The following MORN1 variants were observed in gnomAD, a reference collection of about 807,000 sequenced individuals.
MORN1 encodes MORN repeat containing 1, also known as MORN repeat-containing protein 1.
MORN1 carries 67 observed loss-of-function variants against 61.9 expected under a neutral mutation model. The observed-to-expected ratio is 1.08, with a 90% CI of 0.89 to 1.33. The LOEUF (loss-of-function observed/expected upper bound fraction) is 1.33. MORN1 is among the 40% of genes most tolerant of loss of function. The pLI is 0.00. For missense variants in MORN1, 752 were observed against 691.2 expected (o/e 1.09, Z -0.99); for synonymous variants, 301 against 292.0 (o/e 1.03, Z -0.31).
At chr1:2,379,327 A>G in intron 6 of MORN1, 1 of 369,016 alleles carries the variant, frequency 2.7e-6, no homozygotes, top group Non-Finnish European at 5.5e-6. Flanking sequence ...TTTTCAGAAC[A>G]TAAAATGATC....
chr1:2,333,438 G>C (rs531140052), intron 12 of MORN1, among the ~76,000 whole-genome samples: 1 of 152,232 alleles, frequency 6.6e-6, no homozygotes, highest in South Asian at 2.1e-4. Flanking sequence ...GAGTGGCCTC[G>C]GGCCTGGAGA....
chr1:2,337,141 G>A lies in MORN1; in HGVS notation c.1037-291C>T, dbSNP rs12085675. On this transcript the variant is annotated intron_variant, in intron 10 of 13. Coordinates refer to ENST00000378531, the MANE Select transcript of MORN1 (RefSeq NM_024848.3). This position sits in a 1 kb window ranked among gnomAD's most constrained non-coding sequence, Gnocchi z 5.7. ...AGCCCAGCGCTTTGCAGTGGGAAGG[G>A]TCTCCCATCAGCAGCCCCCGTCAGC... 0.37 allele frequency among the ~76,000 whole-genome samples: 55,815 copies of A among 151,992 alleles called. 11,252 individuals carry two copies. The highest frequency in any genetic ancestry group is 0.52 in the South Asian group (2,507 of 4,818).
chr1:2,368,025 AAG>A (rs1642033904), intron 8 of MORN1, among the ~76,000 whole-genome samples: 1 of 152,246 alleles, frequency 6.6e-6, no homozygotes, highest in South Asian at 2.1e-4. Flanking sequence ...AAGCAACAAA[AAG>A]AAAAAGAGAG....
At chr1:2,335,713 G>A (rs1641250571) in intron 12 of MORN1, among the ~76,000 whole-genome samples, 1 of 152,302 alleles carries the variant, frequency 6.6e-6, no homozygotes, top group South Asian at 2.1e-4. Context: ...TGGGAGCGGG[G>A]CGGGTGCTGG....
intron 8 of MORN1, among the ~76,000 whole-genome samples, 174 bp from the exon 9 acceptor site, chr1:2,358,889 T>A (rs576185743): frequency 6.6e-6 from 1 of 152,180 alleles, no homozygotes; most frequent in Admixed American, 6.5e-5. Context: ...GGCTCTCTGC[T>A]CCTCTCCCAT....
chr1:2,360,241 T>C (rs2840542), intron 8 of MORN1, among the ~76,000 whole-genome samples: 126,696 of 152,266 alleles, frequency 0.83, 53,065 homozygotes, highest in African/African-American at 0.92. Context: ...GGAGACACGA[T>C]TGGGAAAGCA....
Position 2,355,813 on chromosome 1 carries a change from G to T in MORN1, c.1036+1619C>A, listed in dbSNP as rs2100300625. Among the ~76,000 whole-genome samples the T allele has an allele frequency of 2.6e-5, 4 of 152,360 alleles. 1 individual carries two copies. In the South Asian group the frequency reaches 8.3e-4, roughly 32 times the overall value. The stretch of plus-strand genomic sequence containing the variant: ...CCCTCAGCCCTGTCTCACTGCAGGA[G>T]AGCCCAGAGCTGAGCTGAGCTCACA... On this transcript the variant is annotated intron_variant, in intron 10 of 13. Coordinates refer to ENST00000378531, the MANE Select transcript of MORN1 (RefSeq NM_024848.3).
chr1:2,333,101 G>A (rs369688017), intron 12 of MORN1, among the ~76,000 whole-genome samples: 193 of 152,354 alleles, frequency 1.3e-3, no homozygotes, highest in African/African-American at 4.0e-3. Flanking sequence ...ATAAAAAGGC[G>A]ACCAGGTGTT....
At chr1:2,322,215 A>C in intron 13 of MORN1, 1 of 985,444 alleles carries the variant, frequency 1.0e-6, no homozygotes, top group Non-Finnish European at 1.2e-6. Flanking sequence ...GAAACCATAA[A>C]AAAGAAAATA....
rs963242385 is a variant in MORN1, at chr1:2,374,582, G to A, written c.538-25C>T. ...CCTGCAGAGAGAAGGGTGAGGCTCAGGCTGGTGGCTCCCAAGGGGCTTTTG... is the reference window on the plus strand; with the variant it reads ...CCTGCAGAGAGAAGGGTGAGGCTCAAGCTGGTGGCTCCCAAGGGGCTTTTG... On this transcript the variant is annotated intron_variant, in intron 6 of 13. Coordinates refer to ENST00000378531, the MANE Select transcript of MORN1 (RefSeq NM_024848.3). 5 of 1,563,840 alleles carry A rather than the reference G, an allele frequency of 3.2e-6. No homozygotes were observed. In the African/African-American group the frequency reaches 6.7e-5, roughly 21 times the overall value.
chr1:2,335,774 AG>A (rs1641252370), intron 12 of MORN1, among the ~76,000 whole-genome samples: 1 of 150,426 alleles, frequency 6.6e-6, no homozygotes. Flanking sequence ...GGGCCAGGCG[AG>A]GGCTGGTGGG....
chr1:2,321,978 G>A, intron 13 of MORN1: 1 of 973,034 alleles, frequency 1.0e-6, no homozygotes, highest in Non-Finnish European at 1.2e-6. Context: ...TTTTTTAGGA[G>A]AAAAATAATT....
At chr1:2,390,541 T>C in intron 1 of MORN1, 1 of 985,330 alleles carries the variant, frequency 1.0e-6, no homozygotes, top group Non-Finnish European at 1.2e-6. Context: ...GTTCCAGGAA[T>C]GGGCAGGGCT....
Position 2,321,475 on chromosome 1 carries a change from G to A in MORN1, c.1402C>T (p.Gln468Ter). 1 of 1,532,222 alleles carries A rather than the reference G, an allele frequency of 6.5e-7. No individual in the cohort carries two copies. The highest frequency in any genetic ancestry group is 8.8e-7 in the Non-Finnish European group (1 of 1,138,796). 94.9% of individuals were successfully genotyped at this position (1,532,222 alleles called of 1,614,324 possible). ...HLRVVAKRAG[Q>*]PPHVLEEGPE... is the part of the protein sequence containing the mutation. ...CCTTCTTCCAGGACATGGGGTGGCTGGCCAGCCCTCTTCGCTACGACCCGC... is the reference window on the plus strand; with the variant it reads ...CCTTCTTCCAGGACATGGGGTGGCTAGCCAGCCCTCTTCGCTACGACCCGC... Residue 468 changes from glutamine to a stop codon, truncating the protein, a stop_gained, in exon 14 of 14, where the codon CAG becomes TAG. Transcript: ENST00000378531. LOFTEE classifies it low-confidence loss of function (END_TRUNC).
rs1013526245 is a variant in MORN1, at chr1:2,372,722, G to A, written c.635-131C>T. ...TGGCAGCTGGAACACAAGCACATGC[G>A]GGGGCCGACCCTCCGCAAACCACCT... On this transcript the variant is annotated intron_variant, in intron 7 of 13. Transcript: ENST00000378531. This position sits in a 1 kb window ranked among gnomAD's most constrained non-coding sequence, Gnocchi z 5.4. 7.9e-4 allele frequency: 512 copies of A among 649,970 alleles called. 4 individuals carry two copies. Among genetic ancestry groups the A allele is most frequent in the African/African-American group, 1.5e-4 (8 of 54,528 alleles). The allele number at this position is 649,970 out of a possible 1,614,324, so 40.3% of individuals were successfully genotyped here.
intron 13 of MORN1, chr1:2,322,036 T>TG (rs1431298512): frequency 1.0e-6 from 1 of 985,252 alleles, no homozygotes. Flanking sequence ...CTCTGAAGGC[T>TG]GGTGTGTCTG....
At chr1:2,358,798 G>C in intron 8 of MORN1, 83 bp from the exon 9 acceptor site, 1 of 1,509,582 alleles carries the variant, frequency 6.6e-7, no homozygotes, top group South Asian at 1.2e-5. Context: ...CTTCTGGGAC[G>C]CTGTGTTTAT....
intron 12 of MORN1, chr1:2,332,508 C>T (rs141744901): frequency 1.7e-4 from 70 of 419,782 alleles, no homozygotes; most frequent in African/African-American, 1.1e-3. Context: ...GTCTTGACAT[C>T]GACCCCACGC....
intron 12 of MORN1, among the ~76,000 whole-genome samples, chr1:2,325,119 T>TTCCC (rs1640980109): frequency 2.5e-4 from 14 of 55,630 alleles, no homozygotes; most frequent in African/African-American, 4.8e-4. Flanking sequence ...CTTCCCTTCC[T>TTCCC]TCCCTTCCTT....
Sources: gnomAD v4.1 joint callset for allele counts (sites outside exome capture counted in the v4.1 genomes callset) on GRCh38, gnomAD v4.1.1 for gene constraint, Gnocchi (gnomAD v3.1) non-coding constraint, MANE v1.5 for transcripts, NCBI Gene and HGNC (gene_info 2026-07-23, HGNC 2026-07-21) for gene names.